OR2L13: variants seen among roughly 807,000 people sequenced by gnomAD.
OR2L13 encodes the protein olfactory receptor 2L13.
Under a neutral mutation model 15.3 loss-of-function variants are expected in OR2L13, and 14 were observed. The observed-to-expected ratio is 0.91, with a 90% CI of 0.60 to 1.43. The LOEUF (loss-of-function observed/expected upper bound fraction) is 1.43, where lower values mean the gene tolerates loss of function less well. Among genes scored for constraint, OR2L13 ranks in the 40% most tolerant of loss-of-function variants. The pLI, the probability that OR2L13 is intolerant of heterozygous loss-of-function variation, is 0.00. For synonymous variants in OR2L13, 152 were observed against 142.9 expected, an observed-to-expected ratio of 1.06 and a Z score of -0.45; for missense variants, 367 against 387.9, an observed-to-expected ratio of 0.95 and a Z score of 0.45.
the OR2L13 span, among the ~76,000 whole-genome samples, chr1:247,963,492 T>G: frequency 6.6e-6 from 1 of 152,314 alleles, no homozygotes; most frequent in African/African-American, 2.4e-5. Flanking sequence ...TTGTATCTTT[T>G]GAAACAAGTC....
chr1:248,003,205 C>G, the OR2L13 span: 22 of 1,508,818 alleles, frequency 1.5e-5, no homozygotes, highest in East Asian at 1.8e-4. Flanking sequence ...TTGGCCTTTT[C>G]CTCTTCATCC....
chr1:248,067,183 A>T, the OR2L13 span, among the ~76,000 whole-genome samples: 4 of 152,200 alleles, frequency 2.6e-5, no homozygotes, highest in African/African-American at 7.2e-5. Flanking sequence ...TACCTTTTCA[A>T]TGTGCAGTTT....
At chr1:247,945,459 G>A in the OR2L13 span, among the ~76,000 whole-genome samples, 12 of 152,214 alleles carry the variant, frequency 7.9e-5, no homozygotes, top group East Asian at 2.3e-3. Context: ...GTGCCATATG[G>A]TGGTGAAAAA....
At chr1:247,991,395 T>C in the OR2L13 span, among the ~76,000 whole-genome samples, 1 of 149,806 alleles carries the variant, frequency 6.7e-6, no homozygotes, top group East Asian at 2.1e-4. Flanking sequence ...TATTTGTTTC[T>C]TTTTATCAAA....
chr1:248,064,759 G>A, the OR2L13 span, among the ~76,000 whole-genome samples: 5 of 152,098 alleles, frequency 3.3e-5, no homozygotes, highest in African/African-American at 1.2e-4. Context: ...ATTGGTAAAT[G>A]GCATCATTGA....
chr1:248,053,574 G>A, the OR2L13 span, among the ~76,000 whole-genome samples: 3 of 152,188 alleles, frequency 2.0e-5, no homozygotes, highest in African/African-American at 7.2e-5. Context: ...CCCACCAACA[G>A]TGTGAAAGCA....
the OR2L13 span, among the ~76,000 whole-genome samples, chr1:248,025,699 C>G: frequency 6.7e-6 from 1 of 149,356 alleles, no homozygotes; most frequent in Admixed American, 6.6e-5. Context: ...GGAACCAACC[C>G]AAATGTCCAA....
At chr1:247,968,219 C>A in the OR2L13 span, among the ~76,000 whole-genome samples, 1 of 151,938 alleles carries the variant, frequency 6.6e-6, no homozygotes, top group Non-Finnish European at 1.5e-5. Context: ...GATAATTAAA[C>A]TGAATGTCAG....
At chr1:248,024,376 A>T in the OR2L13 span, 1 of 152,210 alleles carries the variant, frequency 6.6e-6, no homozygotes, top group Admixed American at 6.6e-5. Flanking sequence ...ATTCAAGGAA[A>T]TATGCATTCA....
At chr1:248,073,482 G>A in the OR2L13 span, among the ~76,000 whole-genome samples, 4 of 151,848 alleles carry the variant, frequency 2.6e-5, no homozygotes, top group Non-Finnish European at 5.9e-5. Flanking sequence ...GTTGTGGGGT[G>A]GGGGGAGCGG....
At chr1:248,049,327 G>A in the OR2L13 span, among the ~76,000 whole-genome samples, 14 of 152,284 alleles carry the variant, frequency 9.2e-5, no homozygotes, top group Admixed American at 7.8e-4. Flanking sequence ...AGAGATCCAT[G>A]CAATGCAATG....
At chr1:247,999,375 C>G in the OR2L13 span, among the ~76,000 whole-genome samples, 17 of 152,218 alleles carry the variant, frequency 1.1e-4, 1 homozygote, top group South Asian at 2.1e-3. Flanking sequence ...TCTGTGAGAG[C>G]TGATGCACTA....
the OR2L13 span, among the ~76,000 whole-genome samples, chr1:247,940,340 C>T: frequency 6.6e-6 from 1 of 151,990 alleles, no homozygotes; most frequent in Non-Finnish European, 1.5e-5. Flanking sequence ...ATTAGGAATA[C>T]TTTTAAATGG....
At chr1:248,048,196 A>G in the OR2L13 span, among the ~76,000 whole-genome samples, 29 of 152,156 alleles carry the variant, frequency 1.9e-4, no homozygotes, top group Non-Finnish European at 3.4e-4. Context: ...GTGGACCTCA[A>G]TGGCAGGATG....
At chr1:247,981,919 C>A in the OR2L13 span, among the ~76,000 whole-genome samples, 2 of 151,796 alleles carry the variant, frequency 1.3e-5, no homozygotes, top group Admixed American at 1.3e-4. Context: ...GGGTTCACGC[C>A]ATTCTCCTGC....
At chr1:247,946,240 A>G in the OR2L13 span, among the ~76,000 whole-genome samples, 518 of 152,150 alleles carry the variant, frequency 3.4e-3, 3 homozygotes, top group Admixed American at 5.4e-3. Context: ...TGCTTATCCT[A>G]AGTTTTCTAC....
At chr1:248,002,690 C>G in the OR2L13 span, among the ~76,000 whole-genome samples, 1 of 152,106 alleles carries the variant, frequency 6.6e-6, no homozygotes, top group Non-Finnish European at 1.5e-5. Flanking sequence ...AACCCCGTCT[C>G]TACCAAAAAT....
the OR2L13 span, among the ~76,000 whole-genome samples, chr1:248,086,355 C>T: frequency 2.6e-5 from 4 of 152,092 alleles, no homozygotes; most frequent in Non-Finnish European, 4.4e-5. Flanking sequence ...GAGTAAATAT[C>T]GCTTTAATTT....
At chr1:248,078,370 G>A in the OR2L13 span, among the ~76,000 whole-genome samples, 3 of 152,076 alleles carry the variant, frequency 2.0e-5, no homozygotes, top group Non-Finnish European at 4.4e-5. Context: ...CTACTCGGGA[G>A]GCTGAGGCAG....
Sources: gnomAD v4.1 joint callset for allele counts (sites outside exome capture counted in the v4.1 genomes callset) on GRCh38, gnomAD v4.1.1 for gene constraint, MANE v1.5 for transcripts, NCBI Gene and HGNC (gene_info 2026-07-23, HGNC 2026-07-21) for gene names.